PFKFB3: variants seen among roughly 807,000 people sequenced by gnomAD.
The protein encoded by PFKFB3 is 6-phosphofructo-2-kinase/fructose-2,6-biphosphatase 3.
A neutral mutation model predicts 68.0 loss-of-function variants in PFKFB3; 33 were observed. That is an observed-to-expected ratio of 0.49 (90% CI 0.37 to 0.65). The LOEUF is 0.65. PFKFB3 is among the 30% of genes least tolerant of loss of function. The pLI, the probability that PFKFB3 is intolerant of heterozygous loss-of-function variation, is 0.00. For missense variants in PFKFB3, 586 were observed against 712.2 expected (o/e 0.82, Z 2.02); for synonymous variants, 315 against 288.2 (o/e 1.09, Z -0.94).
Position 6,202,950 on chromosome 10 carries a change from G to A in PFKFB3, c.-311G>A, listed in dbSNP as rs971885189. ...GCATCCCAGCCAAGCCGGAGAGGAGGCGAGCAGCAGGGCCTGGTGGCGAGA... is the reference window on the plus strand; with the variant it reads ...GCATCCCAGCCAAGCCGGAGAGGAGACGAGCAGCAGGGCCTGGTGGCGAGA... On this transcript the variant is annotated 5_prime_UTR_variant, in exon 1 of 15. Coordinates refer to ENST00000379775, the MANE Select transcript of PFKFB3 (RefSeq NM_004566.4). 26 of 1,254,980 alleles carry A rather than the reference G, an allele frequency of 2.1e-5. No homozygotes were observed. The African/African-American group carries it at 3.8e-4, about 18-fold the overall frequency. The allele number at this position is 1,254,980 out of a possible 1,614,324, so 77.7% of individuals were successfully genotyped here.
rs1399223608 is a variant in PFKFB3, at chr10:6,216,671, G to C, written c.367-35G>C. ...GTAAACGTTGTTAAACTCAAACTTA[G>C]AGTTTTCTTCCTGGCCCTTTGCTCT... On this transcript the variant is annotated intron_variant, in intron 4 of 14. Transcript: ENST00000379775. 5 of 1,419,834 alleles carry C rather than the reference G, an allele frequency of 3.5e-6. No individual in the cohort carries two copies. The South Asian group carries it at 5.8e-5, about 16-fold the overall frequency. 88.0% of individuals were successfully genotyped at this position (1,419,834 alleles called of 1,614,324 possible). A position where few individuals can be genotyped will look rare whatever the true frequency, so the allele number is the denominator to read the frequency against.
chr10:6,213,629 G>A lies in PFKFB3; in HGVS notation c.83G>A (p.Gly28Glu), dbSNP rs763805870. The A allele has an allele frequency of 6.2e-7, 1 of 1,612,228 alleles. No homozygotes were observed. Among genetic ancestry groups the A allele is most frequent in the Non-Finnish European group, 8.5e-7 (1 of 1,179,168 alleles). The change falls in exon 2 of 15, where the codon GGG becomes GAG. Residue 28 changes from glycine to glutamate, a missense_variant. Gly to Glu is a moderately conservative substitution (Grantham distance 98, BLOSUM62 -2). Transcript: ENST00000379775. ...DHRPSLPRSC[G>E]PKLTNSPTVI... ...TTCTTGCTTGTTTTTCCAGCCTGTGGGCCAAAGCTGACCAACTCCCCCACC... is the reference window on the plus strand; with the variant it reads ...TTCTTGCTTGTTTTTCCAGCCTGTGAGCCAAAGCTGACCAACTCCCCCACC...
the PFKFB3 span, among the ~76,000 whole-genome samples, chr10:6,302,388 T>G: frequency 1.3e-3 from 153 of 113,522 alleles, 1 homozygote; most frequent in African/African-American, 4.7e-3. Context: ...TTTTTTTTTT[T>G]TTTTTTTTTT....
chr10:6,169,295 T>C (rs1842233923), intron 1 of PFKFB3, among the ~76,000 whole-genome samples: 1 of 152,178 alleles, frequency 6.6e-6, no homozygotes, highest in Non-Finnish European at 1.5e-5. Context: ...TGCACCTACC[T>C]GGGGGAGAGC....
chr10:6,222,023 C>A (rs1468050158), intron 10 of PFKFB3, among the ~76,000 whole-genome samples: 1 of 152,034 alleles, frequency 6.6e-6, no homozygotes, highest in East Asian at 1.9e-4. Context: ...GGGTGGTGGG[C>A]AGGCTGGCAG....
At chr10:6,282,411 G>A in the PFKFB3 span, among the ~76,000 whole-genome samples, 1 of 152,170 alleles carries the variant, frequency 6.6e-6, no homozygotes, top group African/African-American at 2.4e-5. Flanking sequence ...GTCTGACTCA[G>A]TGTGTCTGTT....
chr10:6,155,772 C>T (rs561202767), intron 1 of PFKFB3, among the ~76,000 whole-genome samples: 2 of 152,274 alleles, frequency 1.3e-5, no homozygotes, highest in East Asian at 3.9e-4. Flanking sequence ...CCAGCTAACC[C>T]TCGTGCCACA....
the PFKFB3 span, among the ~76,000 whole-genome samples, chr10:6,276,141 G>C: frequency 6.6e-6 from 1 of 152,256 alleles, no homozygotes; most frequent in East Asian, 1.9e-4. Flanking sequence ...TTGTTTGCTT[G>C]GAGTGGATTA....
the PFKFB3 span, among the ~76,000 whole-genome samples, chr10:6,291,135 A>T: frequency 1.3e-5 from 2 of 152,236 alleles, no homozygotes; most frequent in Non-Finnish European, 2.9e-5. Context: ...AGGAGGAATC[A>T]GGAAGTGCAA....
At position 6,210,336 on chromosome 10, in the gene PFKFB3, GTT is replaced by G. The variant is rs35193180; in HGVS notation, c.77-3279_77-3278del. Among the ~76,000 whole-genome samples, 56 of 61,016 alleles carry G rather than the reference GTT, an allele frequency of 9.2e-4. 8 individuals carry two copies. Among genetic ancestry groups the G allele is most frequent in the African/African-American group, 2.0e-3 (54 of 26,800 alleles). 40.0% of individuals were successfully genotyped at this position (61,016 alleles called of 152,430 possible). A position where few individuals can be genotyped will look rare whatever the true frequency, so the allele number is the denominator to read the frequency against. On this transcript the variant is annotated intron_variant, in intron 1 of 14. Transcript: ENST00000379775. ...AAACACCTCAGGCGCCCCTCTCTTTGTTTTTTTTTGTTTTTTTTTGTTTTTTT... is the reference window on the plus strand; with the variant it reads ...AAACACCTCAGGCGCCCCTCTCTTTGTTTTTTTGTTTTTTTTTGTTTTTTT...
rs75328103 is a variant in PFKFB3, at chr10:6,222,238, C to T, written c.1083+493C>T. ...TCCTCTGGCCTCAGACTAAGCCTTA[C>T]ACACCGGGGCCCTGGTTAGCACAGC... On this transcript the variant is annotated intron_variant, in intron 10 of 14. Transcript: ENST00000379775. 7.7e-3 allele frequency among the ~76,000 whole-genome samples: 1,177 copies of T among 152,350 alleles called. 52 individuals are homozygous for T. In the East Asian group the frequency reaches 0.11, roughly 14 times the overall value.
the PFKFB3 span, among the ~76,000 whole-genome samples, chr10:6,323,954 TAGC>T: frequency 6.6e-6 from 1 of 152,178 alleles, no homozygotes; most frequent in Non-Finnish European, 1.5e-5. Context: ...CCAGTGTTCA[TAGC>T]AGCATTAATC....
chr10:6,247,222 G>A, intron 14 of PFKFB3, among the ~76,000 whole-genome samples: 1 of 152,164 alleles, frequency 6.6e-6, no homozygotes, highest in East Asian at 1.9e-4. Context: ...GAAAACTTCG[G>A]TTCAGGCTCT....
chr10:6,245,924 T>C (rs1846247392), intron 14 of PFKFB3: 1 of 152,166 alleles, frequency 6.6e-6, no homozygotes, highest in Non-Finnish European at 1.5e-5. Context: ...CTAAGTAGCA[T>C]TAGGGAGAAT....
intron 13 of PFKFB3, 180 bp downstream of exon 13, chr10:6,224,393 G>A (rs1261542581): frequency 1.6e-6 from 1 of 636,086 alleles, no homozygotes; most frequent in Non-Finnish European, 2.8e-6. Flanking sequence ...TGTGGCTTCT[G>A]GGGCCTTCTC....
At chr10:6,298,372 C>CTTTT in the PFKFB3 span, among the ~76,000 whole-genome samples, 5 of 139,666 alleles carry the variant, frequency 3.6e-5, no homozygotes, top group Non-Finnish European at 3.1e-5. Context: ...GTTCAGGGCA[C>CTTTT]TTTTTTTTTT....
At chr10:6,286,518 C>T in the PFKFB3 span, among the ~76,000 whole-genome samples, 1 of 152,178 alleles carries the variant, frequency 6.6e-6, no homozygotes, top group East Asian at 1.9e-4. Context: ...GCTGGGATTA[C>T]AGGCGTAGGC....
chr10:6,224,411 T>C, intron 13 of PFKFB3, 198 bp downstream of exon 13: 1 of 629,096 alleles, frequency 1.6e-6, no homozygotes, highest in Non-Finnish European at 2.8e-6. Flanking sequence ...CTCATTTTCT[T>C]TCTTCCTGTG....
intron 1 of PFKFB3, among the ~76,000 whole-genome samples, chr10:6,187,980 C>CT (rs1564606840): frequency 1.7e-4 from 14 of 82,776 alleles, no homozygotes; most frequent in African/African-American, 9.1e-4. Flanking sequence ...TCTATCTATC[C>CT]ATCCATCCAT....
Sources: gnomAD v4.1 joint callset for allele counts (sites outside exome capture counted in the v4.1 genomes callset) on GRCh38, gnomAD v4.1.1 for gene constraint, MANE v1.5 for transcripts, NCBI Gene and HGNC (gene_info 2026-07-23, HGNC 2026-07-21) for gene names.